The following HIPK3 variants were observed in gnomAD, a reference collection of about 807,000 sequenced individuals.
HIPK3 encodes homeodomain-interacting protein kinase 3.
A neutral mutation model predicts 124.2 loss-of-function variants in HIPK3; 47 were observed. That is an observed-to-expected ratio of 0.38 (90% CI 0.30 to 0.48). HIPK3 has a LOEUF of 0.48. Among genes scored for constraint, HIPK3 ranks in the 20% least tolerant of loss-of-function variants. HIPK3 has a pLI of 0.98. For synonymous variants in HIPK3, 482 were observed against 515.2 expected (o/e 0.94, Z 0.87); for missense variants, 1,286 against 1,454.3 (o/e 0.88, Z 1.88).
At chr11:33,352,656 CTA>C (rs749029901) in intron 16 of HIPK3, among the ~76,000 whole-genome samples, 3 of 151,234 alleles carry the variant, frequency 2.0e-5, no homozygotes, top group African/African-American at 2.4e-5. Context: ...TTGCCATGTA[CTA>C]TATATATATA....
Position 33,338,744 on chromosome 11 carries a change from T to A in HIPK3, c.1342-13T>A. ...ATAATGTATTCTTTTTTCCCTTTGA[T>A]ATATGCAATAAGACATTGGAAGAGC... On this transcript the variant is annotated splice_polypyrimidine_tract_variant and intron_variant, in intron 4 of 16. Coordinates refer to ENST00000303296, the MANE Select transcript of HIPK3 (RefSeq NM_005734.5). 6.5e-7 allele frequency: 1 copy of A among 1,544,258 alleles called. No individual in the cohort carries two copies.
chr11:33,326,171 G>GT (rs1852805267), intron 2 of HIPK3, among the ~76,000 whole-genome samples: 1 of 152,158 alleles, frequency 6.6e-6, no homozygotes, highest in African/African-American at 2.4e-5. Flanking sequence ...AAGAAATGGG[G>GT]TGGTCCTCCC....
intron 15 of HIPK3, 78 bp downstream of exon 15, chr11:33,351,921 C>T (rs1424200370): frequency 4.0e-6 from 5 of 1,235,614 alleles, no homozygotes; most frequent in Non-Finnish European, 5.7e-6. Flanking sequence ...ATGCAGTTGC[C>T]AAAGTCATCT....
chr11:33,338,876 A>T, intron 5 of HIPK3, 33 bp downstream of exon 5: 1 of 1,445,530 alleles, frequency 6.9e-7, no homozygotes, highest in East Asian at 2.3e-5. Context: ...TTCATCTTAC[A>T]TGCTTAGATG....
chr11:33,320,338 G>A (rs1852627518), intron 2 of HIPK3, among the ~76,000 whole-genome samples: 3 of 152,214 alleles, frequency 2.0e-5, no homozygotes, highest in Admixed American at 2.0e-4. Flanking sequence ...GGAAGCTCTT[G>A]TAATAACAGA....
intron 2 of HIPK3, among the ~76,000 whole-genome samples, chr11:33,300,251 C>T (rs1394415133): frequency 6.7e-6 from 1 of 150,220 alleles, no homozygotes; most frequent in Non-Finnish European, 1.5e-5. Context: ...AAGGCTGAGG[C>T]AGGAGAATCG....
At chr11:33,342,102 CAAAAAAAAAAAAA>C (rs58073130) in intron 8 of HIPK3, among the ~76,000 whole-genome samples, 1 of 55,616 alleles carries the variant, frequency 1.8e-5, no homozygotes, top group African/African-American at 7.5e-5. Context: ...GACTCTGTCT[CAAAAAAAAAAAAA>C]AAAAAAAAAA....
Position 33,353,658 on chromosome 11 carries a change from T to C in HIPK3, c.*90T>C. 1.1e-6 allele frequency: 1 copy of C among 906,756 alleles called. No individual in the cohort carries two copies. The allele number at this position is 906,756 out of a possible 1,614,324, so 56.2% of individuals were successfully genotyped here. ...AATATTAGCCATGGCACAAGAAAAT[T>C]ATTTTTGAATCATGTAGACTTGGGT... On this transcript the variant is annotated 3_prime_UTR_variant, in exon 17 of 17. Transcript: ENST00000303296.
At chr11:33,285,629 G>T (rs2133899857) in intron 1 of HIPK3, among the ~76,000 whole-genome samples, 1 of 151,144 alleles carries the variant, frequency 6.6e-6, no homozygotes, top group African/African-American at 2.4e-5. Flanking sequence ...TTTTCCTCCT[G>T]AGGCAATTCT....
chr11:33,287,318 A>G lies in HIPK3; in HGVS notation c.904A>G (p.Ile302Val), dbSNP rs768746295. 3.7e-6 allele frequency: 6 copies of G among 1,614,192 alleles called. No individual in the cohort carries two copies. In the South Asian group the frequency reaches 6.6e-5, roughly 18 times the overall value. The change falls in exon 2 of 17, where the codon ATT (isoleucine) becomes GTT (valine). Residue 302 changes from isoleucine (I) to valine (V), a missense_variant. This residue lies in a region of HIPK3 where 251 missense variants were observed against 349.1 expected (regional missense o/e 0.72). Coordinates refer to ENST00000303296, the MANE Select transcript of HIPK3 (RefSeq NM_005734.5). ...CCTGCCACTAAAAGTGATTCGGCCC[A>G]TTCTTCAACAAGTGGCCACTGCACT... ...SPLPLKVIRP[I>V]LQQVATALKK...
At chr11:33,331,336 G>C (rs1852976680) in intron 3 of HIPK3, among the ~76,000 whole-genome samples, 1 of 152,092 alleles carries the variant, frequency 6.6e-6, no homozygotes, top group South Asian at 2.1e-4. Context: ...CCTTATTCCA[G>C]TAATCAGCTG....
rs1851578900 is a variant in HIPK3 at position 33,287,134 on chromosome 11, A to T, written c.720A>T (p.Ile240=). 6.2e-7 allele frequency: 1 copy of T among 1,614,106 alleles called. No individual in the cohort carries two copies. The highest frequency in any genetic ancestry group is 8.5e-7 in the Non-Finnish European group (1 of 1,180,036). ...NHPSYARQGQ[I]EVSILARLST... is the part of the protein sequence containing the mutation. Reference sequence around the variant, plus strand: ...CTTCTTATGCCCGTCAAGGTCAAATAGAAGTGAGCATATTAGCAAGGCTCA... The same window carrying T: ...CTTCTTATGCCCGTCAAGGTCAAATTGAAGTGAGCATATTAGCAAGGCTCA... The change falls in exon 2 of 17, where the codon ATA becomes ATT. Residue 240 remains isoleucine (I), a synonymous_variant. Coordinates refer to ENST00000303296, the MANE Select transcript of HIPK3 (RefSeq NM_005734.5).
intron 2 of HIPK3, among the ~76,000 whole-genome samples, chr11:33,298,177 C>G (rs757048005): frequency 1.2e-4 from 19 of 152,062 alleles, no homozygotes; most frequent in Non-Finnish European, 2.6e-4. Context: ...TCCCAGAGCC[C>G]TTTAGAATTA....
intron 2 of HIPK3, among the ~76,000 whole-genome samples, chr11:33,314,669 C>A (rs916942937): frequency 4.6e-5 from 7 of 151,932 alleles, no homozygotes; most frequent in Admixed American, 3.9e-4. Flanking sequence ...CACACACACA[C>A]AAAAACGAAT....
intron 2 of HIPK3, among the ~76,000 whole-genome samples, chr11:33,323,055 G>C (rs1852711081): frequency 6.6e-6 from 1 of 152,120 alleles, no homozygotes; most frequent in Non-Finnish European, 1.5e-5. Flanking sequence ...TAGACAAAAA[G>C]TAGAAACAAC....
At chr11:33,272,121 G>A (rs545609544) in intron 1 of HIPK3, among the ~76,000 whole-genome samples, 212 of 152,296 alleles carry the variant, frequency 1.4e-3, no homozygotes, top group Middle Eastern at 6.8e-3. Flanking sequence ...GTCGTGGCCG[G>A]GTGCAGTGGC....
chr11:33,334,293 AGAG>A (rs1412769892), intron 3 of HIPK3, among the ~76,000 whole-genome samples: 10 of 152,168 alleles, frequency 6.6e-5, no homozygotes, highest in Non-Finnish European at 1.2e-4. Flanking sequence ...ATGGCTTTAT[AGAG>A]GAGAAGATTC....
intron 1 of HIPK3, among the ~76,000 whole-genome samples, chr11:33,265,148 T>G (rs1850919597): frequency 6.6e-6 from 1 of 152,210 alleles, no homozygotes; most frequent in Admixed American, 6.5e-5. Flanking sequence ...TAGGGTGTAG[T>G]GACATAAAAT....
intron 3 of HIPK3, among the ~76,000 whole-genome samples, chr11:33,331,483 C>T (rs553123957): frequency 6.6e-6 from 1 of 152,134 alleles, no homozygotes; most frequent in Non-Finnish European, 1.5e-5. Context: ...GAGGAATCCT[C>T]CTACCTCAGG....
Sources: gnomAD v4.1 joint callset for allele counts (sites outside exome capture counted in the v4.1 genomes callset) on GRCh38, gnomAD v4.1.1 for gene constraint, gnomAD v4.1.1 regional missense constraint, MANE v1.5 for transcripts, NCBI Gene and HGNC (gene_info 2026-07-23, HGNC 2026-07-21) for gene names.